Variants in BCAS3 observed in about 807,000 individuals in gnomAD.
The protein encoded by BCAS3 is BCAS3 microtubule associated cell migration factor.
Under a neutral mutation model 116.1 loss-of-function variants are expected in BCAS3, and 53 were observed. The ratio of observed to expected loss-of-function variants is 0.46; its 90% CI spans 0.37 to 0.57. The LOEUF (loss-of-function observed/expected upper bound fraction) is 0.57, where lower values mean the gene tolerates loss of function less well. Among genes scored for constraint, BCAS3 ranks in the 20% least tolerant of loss-of-function variants. The probability of loss-of-function intolerance (pLI) is 0.00; values close to 1 mark genes in which losing one functional copy is unlikely to be tolerated. For missense variants in BCAS3, 917 were observed against 1,165.4 expected, an observed-to-expected ratio of 0.79 and a Z score of 3.10; for synonymous variants, 391 against 408.2, an observed-to-expected ratio of 0.96 and a Z score of 0.51.
In BCAS3 at chr17:60,990,132, T is replaced by C. The variant is rs1329644551; in HGVS notation, c.1383T>C (p.Ser461=). The C allele has an allele frequency of 5.0e-6, 8 of 1,614,034 alleles. No individual in the cohort carries two copies. Among genetic ancestry groups the C allele is most frequent in the Non-Finnish European group, 6.8e-6 (8 of 1,180,038 alleles). The change falls in exon 15 of 24, where the codon AGT becomes AGC. Residue 461 remains serine (S), a synonymous_variant. Transcript: ENST00000407086. The surrounding 1 kb of genome is among the most constrained non-coding windows in gnomAD (Gnocchi z 5.1). Reference sequence around the variant, plus strand: ...ATCGCATGAGCCGTTTCCAGAAAAGTGCTGGACTGGAAGAGATTGAACAAG... The same window carrying C: ...ATCGCATGAGCCGTTTCCAGAAAAGCGCTGGACTGGAAGAGATTGAACAAG... ...VVNRMSRFQK[S]AGLEEIEQEL...
intron 19 of BCAS3, among the ~76,000 whole-genome samples, chr17:61,072,415 TTG>T (rs1166795270): frequency 1.3e-5 from 2 of 152,098 alleles, no homozygotes; most frequent in Admixed American, 6.6e-5. Context: ...TATCCCTATT[TTG>T]ATGATGGATA....
At chr17:61,272,211 A>G (rs1568721870) in intron 22 of BCAS3, among the ~76,000 whole-genome samples, 2 of 152,246 alleles carry the variant, frequency 1.3e-5, no homozygotes, top group African/African-American at 2.4e-5. Context: ...ATACAGAAGC[A>G]ATCAATGAGT....
chr17:60,744,121 G>T (rs139985162), intron 5 of BCAS3, among the ~76,000 whole-genome samples: 79 of 152,228 alleles, frequency 5.2e-4, no homozygotes, highest in African/African-American at 1.8e-3. Flanking sequence ...CTCCCTGTTC[G>T]CTCTTCTCCC....
chr17:60,961,376 A>G lies in BCAS3; in HGVS notation c.1221+14024A>G, dbSNP rs925263893. Among the ~76,000 whole-genome samples, 4 of 152,282 alleles carry G rather than the reference A, an allele frequency of 2.6e-5. No homozygotes were observed. The highest frequency in any genetic ancestry group is 2.1e-4 in the South Asian group (1 of 4,828). ...TAGTCTGAAATCAGTAGGGCTGGCC[A>G]GAAGGAATGTCCAGGTGGAAACTGT... is the stretch of plus-strand genomic sequence containing the variant. On this transcript the variant is annotated intron_variant, in intron 14 of 23. Transcript: ENST00000407086. The surrounding 1 kb of genome is among the most constrained non-coding windows in gnomAD (Gnocchi z 4.8).
intron 23 of BCAS3, among the ~76,000 whole-genome samples, chr17:61,370,961 C>T (rs2059013679): frequency 6.6e-6 from 1 of 152,216 alleles, no homozygotes; most frequent in African/African-American, 2.4e-5. Flanking sequence ...CCTCTTTCTT[C>T]CCACAACTCT....
chr17:60,866,279 C>T (rs2054585192), intron 7 of BCAS3, among the ~76,000 whole-genome samples: 1 of 152,050 alleles, frequency 6.6e-6, no homozygotes, highest in African/African-American at 2.4e-5. Flanking sequence ...CATGCTTGCA[C>T]CACCACCCCT....
Position 61,327,855 on chromosome 17 carries a change from C to T in BCAS3, c.2426-40472C>T, listed in dbSNP as rs149757867. ...CAAAGGTGACATCCAGTTCAAGGAA[C>T]TTAGTGGTAGGTGTGACTTTAAGGT... On this transcript the variant is annotated intron_variant, in intron 22 of 23. Transcript: ENST00000407086. The surrounding 1 kb of genome is among the most constrained non-coding windows in gnomAD (Gnocchi z 5.9). Among the ~76,000 whole-genome samples the T allele has an allele frequency of 1.3e-3, 195 of 152,278 alleles. No homozygotes were observed. Among genetic ancestry groups the T allele is most frequent in the African/African-American group, 4.6e-3 (191 of 41,562 alleles).
In BCAS3 at chr17:61,278,059, C is replaced by T. The variant is rs564739623; in HGVS notation, c.2426-90268C>T. On this transcript the variant is annotated intron_variant, in intron 22 of 23. Transcript: ENST00000407086. This position sits in a 1 kb window ranked among gnomAD's most constrained non-coding sequence, Gnocchi z 5.8. ...TTTTGTTTTGTTTTGTTTTGTTTGA[C>T]GGAGTCACACTGTGTAGCCCAGGCT... 2.2e-3 allele frequency among the ~76,000 whole-genome samples: 342 copies of T among 152,070 alleles called. 3 individuals are homozygous for T. The highest frequency in any genetic ancestry group is 3.2e-3 in the Non-Finnish European group (215 of 68,018).
At chr17:61,172,971 G>C (rs989356945) in intron 22 of BCAS3, among the ~76,000 whole-genome samples, 2 of 143,310 alleles carry the variant, frequency 1.4e-5, no homozygotes, top group African/African-American at 5.0e-5. Context: ...CTGGGCGACA[G>C]AGCAAGATTC....
In BCAS3 at chr17:61,243,706, TC is replaced by T. The variant is rs1340494493; in HGVS notation, c.2426-124619del. On this transcript the variant is annotated intron_variant, in intron 22 of 23. Transcript: ENST00000407086. This position sits in a 1 kb window ranked among gnomAD's most constrained non-coding sequence, Gnocchi z 5.6. ...GTAGCACAGTTCCCTGCCAGAAATA[TC>T]CATCATGGACGAAGTGACTGCTAGA... Among the ~76,000 whole-genome samples the T allele has an allele frequency of 6.6e-6, 1 of 152,234 alleles. No individual in the cohort carries two copies. Among genetic ancestry groups the T allele is most frequent in the Non-Finnish European group, 1.5e-5 (1 of 68,036 alleles).
intron 22 of BCAS3, among the ~76,000 whole-genome samples, chr17:61,090,210 C>A (rs1372876323): frequency 6.6e-6 from 1 of 152,108 alleles, no homozygotes; most frequent in Non-Finnish European, 1.5e-5. Flanking sequence ...TAAGTAACTC[C>A]TGAATATAAA....
chr17:61,157,780 C>T (rs1186926121), intron 22 of BCAS3, among the ~76,000 whole-genome samples: 2 of 152,206 alleles, frequency 1.3e-5, no homozygotes, highest in African/African-American at 4.8e-5. Flanking sequence ...TGGCCACAAA[C>T]GGACACTGTT....
intron 22 of BCAS3, among the ~76,000 whole-genome samples, chr17:61,225,491 G>C (rs896822623): frequency 6.6e-6 from 1 of 152,058 alleles, no homozygotes; most frequent in Non-Finnish European, 1.5e-5. Context: ...ATTTTGCTGC[G>C]GTTGGTTAAT....
rs550250694 is a variant in BCAS3, at chr17:61,387,960, G to A, written c.2594-4017G>A. ...TCCTCCTCTCCTGCCCTACTTTGGG[G>A]CCTGGAGAACAAGCTCTTTTAAAGC... is the stretch of plus-strand genomic sequence containing the variant. On this transcript the variant is annotated intron_variant, in intron 23 of 23. Transcript: ENST00000407086. This position sits in a 1 kb window ranked among gnomAD's most constrained non-coding sequence, Gnocchi z 6.2. Among the ~76,000 whole-genome samples, 1 of 152,252 alleles carries A rather than the reference G, an allele frequency of 6.6e-6. No homozygotes were observed. The highest frequency in any genetic ancestry group is 6.5e-5 in the Admixed American group (1 of 15,294).
chr17:61,299,442 C>CAAAAAAAAA (rs538072648), intron 22 of BCAS3, among the ~76,000 whole-genome samples: 1 of 57,164 alleles, frequency 1.7e-5, no homozygotes, highest in African/African-American at 6.0e-5. Context: ...GACTCCATCT[C>CAAAAAAAAA]AAAAAAAAAA....
At chr17:60,750,329 A>T (rs1314389301) in intron 6 of BCAS3, among the ~76,000 whole-genome samples, 7 of 152,282 alleles carry the variant, frequency 4.6e-5, no homozygotes, top group South Asian at 4.1e-4. Flanking sequence ...TAGAAAAAAA[A>T]TTTTCTGAAT....
intron 7 of BCAS3, among the ~76,000 whole-genome samples, chr17:60,863,458 T>G (rs2054324614): frequency 1.3e-5 from 2 of 152,100 alleles, no homozygotes; most frequent in African/African-American, 4.8e-5. Context: ...ATATAAAAGT[T>G]ATGTTTGGCT....
In BCAS3 at chr17:61,026,201, G is replaced by T. The variant is rs750507368; in HGVS notation, c.1638-8465G>T. On this transcript the variant is annotated intron_variant, in intron 16 of 23. Coordinates refer to ENST00000407086, the MANE Select transcript of BCAS3 (RefSeq NM_017679.5). The surrounding 1 kb of genome is among the most constrained non-coding windows in gnomAD (Gnocchi z 5.0). ...AGTGATTGTAGCTTTAGTTTGCTGC[G>T]TACTAACCTAATCTAGTGCAGACCA... is the stretch of plus-strand genomic sequence containing the variant. 2.0e-5 allele frequency among the ~76,000 whole-genome samples: 3 copies of T among 151,986 alleles called. No individual in the cohort carries two copies. Among genetic ancestry groups the T allele is most frequent in the African/African-American group, 2.4e-5 (1 of 41,406 alleles).
In BCAS3 at chr17:60,877,112, G is replaced by A. The variant is rs892385733; in HGVS notation, c.661+2374G>A. Among the ~76,000 whole-genome samples, 3 of 151,948 alleles carry A rather than the reference G, an allele frequency of 2.0e-5. No individual in the cohort carries two copies. In the East Asian group the frequency reaches 5.8e-4, roughly 29 times the overall value. On this transcript the variant is annotated intron_variant, in intron 9 of 23. Coordinates refer to ENST00000407086, the MANE Select transcript of BCAS3 (RefSeq NM_017679.5). ...GAAGAAAATTATTTATATAGGATCA[G>A]TACAGATCTTTATAGGTCTGAGTTG...
Sources: gnomAD v4.1 joint callset for allele counts (sites outside exome capture counted in the v4.1 genomes callset) on GRCh38, gnomAD v4.1.1 for gene constraint, Gnocchi (gnomAD v3.1) non-coding constraint, MANE v1.5 for transcripts, NCBI Gene and HGNC (gene_info 2026-07-23, HGNC 2026-07-21) for gene names.